Variants in HMCN1 observed in about 807,000 individuals in gnomAD.
The protein encoded by HMCN1 is hemicentin-1.
A neutral mutation model predicts 625.9 loss-of-function variants in HMCN1; 321 were observed. The ratio of observed to expected loss-of-function variants is 0.51; its 90% CI spans 0.47 to 0.56. The LOEUF (loss-of-function observed/expected upper bound fraction) is 0.56, where lower values mean the gene tolerates loss of function less well. HMCN1 is among the 20% of genes least tolerant of loss of function. The probability of loss-of-function intolerance (pLI) is 0.00; values close to 1 mark genes in which losing one functional copy is unlikely to be tolerated. For missense variants in HMCN1, 6,588 were observed against 6,887.3 expected, an observed-to-expected ratio of 0.96 and a Z score of 1.54; for synonymous variants, 2,425 against 2,417.6, an observed-to-expected ratio of 1.00 and a Z score of -0.09.
chr1:185,958,473 C>T (rs1377132769), intron 11 of HMCN1, among the ~76,000 whole-genome samples: 1 of 152,106 alleles, frequency 6.6e-6, no homozygotes, highest in Non-Finnish European at 1.5e-5. Context: ...TTGTGGTGAT[C>T]AAATTTCATT....
rs529888927 is a variant in HMCN1, at chr1:185,891,675, G to C, written c.622-17662G>C. On this transcript the variant is annotated intron_variant, in intron 4 of 106. Transcript: ENST00000271588. ...CTGGCTTGTAGAGTTTCTGCCGAGAGATCCGCTGTTAGTCTGATGGGCTTC... is the reference window on the plus strand; with the variant it reads ...CTGGCTTGTAGAGTTTCTGCCGAGACATCCGCTGTTAGTCTGATGGGCTTC... Among the ~76,000 whole-genome samples, 15 of 148,236 alleles carry C rather than the reference G, an allele frequency of 1.0e-4. No individual in the cohort carries two copies. The South Asian group carries it at 3.1e-3, about 31-fold the overall frequency.
At chr1:185,915,190 A>G (rs1666633254) in intron 6 of HMCN1, among the ~76,000 whole-genome samples, 1 of 152,094 alleles carries the variant, frequency 6.6e-6, no homozygotes, top group South Asian at 2.1e-4. Context: ...CAGGTAAAGC[A>G]TGTTAAAAAG....
chr1:185,932,006 A>T (rs1180306071), intron 10 of HMCN1, among the ~76,000 whole-genome samples: 13 of 152,192 alleles, frequency 8.5e-5, no homozygotes, highest in Admixed American at 8.5e-4. Flanking sequence ...TGAATATCAC[A>T]TATGTGTGAC....
In HMCN1 at chr1:185,854,755, T is replaced by C. The variant is rs183178736; in HGVS notation, c.339+8659T>C. On this transcript the variant is annotated intron_variant, in intron 2 of 106. Coordinates refer to ENST00000271588, the MANE Select transcript of HMCN1 (RefSeq NM_031935.3). ...TACTAAAAACAATGTAAAATTTGCG[T>C]ACCTCAAACTTTCTTATAATGTGAT... is the stretch of plus-strand genomic sequence containing the variant. 1.3e-3 allele frequency among the ~76,000 whole-genome samples: 200 copies of C among 152,342 alleles called. No individual in the cohort carries two copies. In the Middle Eastern group the frequency reaches 0.017, roughly 13 times the overall value.
At chr1:186,052,436 A>G (rs1657017609) in intron 42 of HMCN1, among the ~76,000 whole-genome samples, 1 of 152,078 alleles carries the variant, frequency 6.6e-6, no homozygotes, top group African/African-American at 2.4e-5. Context: ...GCTGTAGGCC[A>G]GTAGAGAAGC....
chr1:186,049,431 A>G (rs1194596996), intron 42 of HMCN1, among the ~76,000 whole-genome samples: 1 of 151,938 alleles, frequency 6.6e-6, no homozygotes, highest in African/African-American at 2.4e-5. Flanking sequence ...CTCATTTATA[A>G]CTTATTCACT....
intron 1 of HMCN1, among the ~76,000 whole-genome samples, chr1:185,811,431 A>C (rs2102246174): frequency 6.6e-6 from 1 of 152,202 alleles, no homozygotes; most frequent in East Asian, 1.9e-4. Context: ...CTCTAAAAAA[A>C]AAAATGAATT....
At chr1:185,769,164 T>C (rs531979448) in intron 1 of HMCN1, among the ~76,000 whole-genome samples, 2 of 152,130 alleles carry the variant, frequency 1.3e-5, no homozygotes, top group Non-Finnish European at 2.9e-5. Context: ...GACTTTATAA[T>C]AGGCCAGGTG....
At chr1:186,125,843 G>A (rs1375926439) in intron 82 of HMCN1, 49 bp downstream of exon 82, 1 of 1,428,674 alleles carries the variant, frequency 7.0e-7, no homozygotes, top group Admixed American at 1.7e-5. Context: ...TTGTAAATTT[G>A]CCATCATACT....
chr1:185,750,861 G>A (rs900470543), intron 1 of HMCN1, among the ~76,000 whole-genome samples: 1 of 149,404 alleles, frequency 6.7e-6, no homozygotes, highest in South Asian at 2.1e-4. Context: ...TATTGGCTTA[G>A]AAATTACACA....
At chr1:186,094,511 C>G in intron 67 of HMCN1, 138 bp downstream of exon 67, 1 of 712,726 alleles carries the variant, frequency 1.4e-6, no homozygotes, top group Non-Finnish European at 2.5e-6. Flanking sequence ...ATCTTACTGA[C>G]TAGAGAATGT....
chr1:186,035,750 T>C (rs1276840533), intron 36 of HMCN1, among the ~76,000 whole-genome samples: 1 of 152,164 alleles, frequency 6.6e-6, no homozygotes, highest in Non-Finnish European at 1.5e-5. Flanking sequence ...GATTATAAAA[T>C]ACTTTATTGG....
chr1:186,070,978 A>G (rs1658444378), intron 52 of HMCN1, among the ~76,000 whole-genome samples: 1 of 152,136 alleles, frequency 6.6e-6, no homozygotes, highest in Non-Finnish European at 1.5e-5. Flanking sequence ...AGTTTGCATA[A>G]TTATTTTGTA....
rs1483335148 is a variant in HMCN1, at chr1:185,980,992, G to A, written c.2581G>A (p.Asp861Asn). 8 of 1,605,202 alleles carry A rather than the reference G, an allele frequency of 5.0e-6. No homozygotes were observed. The highest frequency in any genetic ancestry group is 6.8e-6 in the Non-Finnish European group (8 of 1,172,098). The stretch of plus-strand genomic sequence containing the variant: ...CTTCCTTTTAGACTTATGGGCAAGT[G>A]ATAAAGGAACCTATATTTGTGAAGC... The part of the protein sequence containing the change: ...ALFILNLWAS[D>N]KGTYICEAEN... Residue 861 changes from aspartate (D) to asparagine (N), a missense_variant, in exon 17 of 107, where the codon GAT becomes AAT. Asp to Asn is a conservative substitution (Grantham distance 23). Coordinates refer to ENST00000271588, the MANE Select transcript of HMCN1 (RefSeq NM_031935.3).
chr1:185,774,153 A>C lies in HMCN1; in HGVS notation c.268+39106A>C, dbSNP rs369024102. 3.9e-5 allele frequency among the ~76,000 whole-genome samples: 6 copies of C among 152,296 alleles called. No individual in the cohort carries two copies. The South Asian group carries it at 8.3e-4, about 21-fold the overall frequency. Reference sequence around the variant, plus strand: ...AGATCCCCTAACCTCAAGAAAGTCTAATGAAAAATAATTTGTTTTTTTAAA... The same window carrying C: ...AGATCCCCTAACCTCAAGAAAGTCTCATGAAAAATAATTTGTTTTTTTAAA... On this transcript the variant is annotated intron_variant, in intron 1 of 106. Coordinates refer to ENST00000271588, the MANE Select transcript of HMCN1 (RefSeq NM_031935.3).
At chr1:185,947,092 A>G (rs1034931636) in intron 11 of HMCN1, among the ~76,000 whole-genome samples, 2 of 152,182 alleles carry the variant, frequency 1.3e-5, no homozygotes, top group African/African-American at 2.4e-5. Flanking sequence ...AATCCAGCAT[A>G]TAACTGCCAA....
At chr1:186,152,074 C>G (rs946372480) in intron 95 of HMCN1, among the ~76,000 whole-genome samples, 1 of 152,088 alleles carries the variant, frequency 6.6e-6, no homozygotes, top group Non-Finnish European at 1.5e-5. Context: ...AATTAAAGAC[C>G]TTCTTTGTCT....
intron 1 of HMCN1, among the ~76,000 whole-genome samples, chr1:185,790,242 C>T (rs2102198241): frequency 6.6e-6 from 1 of 152,304 alleles, no homozygotes; most frequent in Middle Eastern, 3.4e-3. Flanking sequence ...TTCGAAATTT[C>T]CACTTCCTAA....
intron 11 of HMCN1, among the ~76,000 whole-genome samples, chr1:185,942,623 C>T (rs777509304): frequency 2.2e-4 from 33 of 152,262 alleles, no homozygotes; most frequent in Admixed American, 5.2e-4. Flanking sequence ...CAATTTACAG[C>T]GCTTCTAAAT....
Sources: gnomAD v4.1 joint callset for allele counts (sites outside exome capture counted in the v4.1 genomes callset) on GRCh38, gnomAD v4.1.1 for gene constraint, MANE v1.5 for transcripts, NCBI Gene and HGNC (gene_info 2026-07-23, HGNC 2026-07-21) for gene names.